Variants in SYNE2 observed in about 807,000 individuals in gnomAD.
SYNE2 encodes the protein nesprin-2.
A neutral mutation model predicts 856.3 loss-of-function variants in SYNE2; 431 were observed. The ratio of observed to expected loss-of-function variants is 0.50; its 90% CI spans 0.47 to 0.55. SYNE2 has a LOEUF of 0.55. Ranked by LOEUF, SYNE2 falls within the 20% of genes least tolerant of loss-of-function variation. SYNE2 has a pLI of 0.00. For missense variants in SYNE2, 8,129 were observed against 8,023.2 expected (o/e 1.01, Z -0.50); for synonymous variants, 2,923 against 2,872.3 (o/e 1.02, Z -0.56).
chr14:63,974,389 G>A (rs376482954), intron 11 of SYNE2, among the ~76,000 whole-genome samples: 21 of 152,116 alleles, frequency 1.4e-4, no homozygotes, highest in Admixed American at 5.2e-4. Flanking sequence ...GAGAGGAAGC[G>A]AGAGCGAGAG....
Position 63,941,749 on chromosome 14 carries a change from G to T in SYNE2, c.196G>T (p.Val66Phe), listed in dbSNP as rs776886410. 6.2e-7 allele frequency: 1 copy of T among 1,614,094 alleles called. No individual in the cohort carries two copies. The highest frequency in any genetic ancestry group is 2.2e-5 in the East Asian group (1 of 44,868). Residue 66 changes from valine to phenylalanine, a missense_variant, in exon 4 of 116, where the codon GTC (valine) becomes TTC (phenylalanine). Val to Phe is a conservative substitution (Grantham distance 50). Transcript: ENST00000555002. Reference protein sequence around the residue: ...DLFTDIKKGHVLLDLLEVLSG... With the variant: ...DLFTDIKKGHFLLDLLEVLSG... ...ATTCACAGACATTAAAAAGGGGCAT[G>T]TCCTCCTGGATCTGCTAGAAGTACT...
In SYNE2 at chr14:64,142,087, A is replaced by C. The variant is rs1468246635; in HGVS notation, c.15305A>C (p.Lys5102Thr). Reference sequence around the variant, plus strand: ...GTTAAACATCTTCTTCAGAAGCACAAGGTAATTATGCAAAAGGAGCAGAAG... The same window carrying C: ...GTTAAACATCTTCTTCAGAAGCACACGGTAATTATGCAAAAGGAGCAGAAG... The part of the protein sequence containing the change: ...SQVKHLLQKH[K>T]EFRMEMDYKQ... Residue 5102 changes from lysine (K) to threonine (T), a missense_variant and splice_region_variant, in exon 82 of 116, where the codon AAG becomes ACG. Coordinates refer to ENST00000555002, the MANE Select transcript of SYNE2 (RefSeq NM_182914.3). The C allele has an allele frequency of 1.9e-6, 3 of 1,614,022 alleles. No individual in the cohort carries two copies. The African/African-American group carries it at 4.0e-5, about 22-fold the overall frequency.
chr14:63,940,030 C>T (rs2095885877), intron 2 of SYNE2, among the ~76,000 whole-genome samples: 1 of 146,556 alleles, frequency 6.8e-6, no homozygotes, highest in Non-Finnish European at 1.5e-5. Context: ...GCTCACAGTT[C>T]TTTGTACAGT....
chr14:64,048,304 G>A (rs2097200303), intron 46 of SYNE2, 149 bp downstream of exon 46: 6 of 642,272 alleles, frequency 9.3e-6, no homozygotes, highest in African/African-American at 7.3e-5. Context: ...GTATAATTAT[G>A]TACTAAGTAA....
At chr14:64,178,227 T>A (rs1015440594) in intron 96 of SYNE2, among the ~76,000 whole-genome samples, 1 of 152,226 alleles carries the variant, frequency 6.6e-6, no homozygotes. Flanking sequence ...TCCCTACATC[T>A]TTTTTCTTTG....
At chr14:64,039,356 A>T (rs1379503131) in intron 45 of SYNE2, among the ~76,000 whole-genome samples, 2 of 152,196 alleles carry the variant, frequency 1.3e-5, no homozygotes, top group African/African-American at 4.8e-5. Context: ...CTGTGCTAAC[A>T]TGTTGGCCAA....
At position 63,982,808 on chromosome 14, in the gene SYNE2, A is replaced by C; in HGVS notation, c.2001+14A>C. 1 of 1,613,018 alleles carries C rather than the reference A, an allele frequency of 6.2e-7. No individual in the cohort carries two copies. The highest frequency in any genetic ancestry group is 1.1e-5 in the South Asian group (1 of 91,026). ...AAAACTCAACTTGTAAGTTCTTTTG[A>C]TTGGTTGCAGCTTTATTTAGATATG... is the stretch of plus-strand genomic sequence containing the variant. On this transcript the variant is annotated intron_variant, in intron 17 of 115. Coordinates refer to ENST00000555002, the MANE Select transcript of SYNE2 (RefSeq NM_182914.3).
chr14:63,814,389 A>G (rs981851292), intron 1 of SYNE2, among the ~76,000 whole-genome samples: 5 of 147,598 alleles, frequency 3.4e-5, no homozygotes, highest in Admixed American at 6.9e-5. Flanking sequence ...TATATTATAT[A>G]TATATCCATA....
chr14:64,074,146 G>A lies in SYNE2; in HGVS notation c.10866+10G>A, dbSNP rs1480313922. 9 of 1,613,440 alleles carry A rather than the reference G, an allele frequency of 5.6e-6. No individual in the cohort carries two copies. Among genetic ancestry groups the A allele is most frequent in the Non-Finnish European group, 7.6e-6 (9 of 1,179,364 alleles). ...GTCAGAACAATTTGAGGTAAGTGAG[G>A]AATGAATTAGTGAATGTGGCAGGTA... On this transcript the variant is annotated intron_variant, in intron 53 of 115. Coordinates refer to ENST00000555002, the MANE Select transcript of SYNE2 (RefSeq NM_182914.3).
chr14:64,087,642 T>G, intron 57 of SYNE2, 29 bp from the exon 58 acceptor site: 7 of 1,609,600 alleles, frequency 4.3e-6, no homozygotes, highest in Non-Finnish European at 6.0e-6. Context: ...GATGTTTCTC[T>G]CTATTTTTCC....
chr14:63,850,211 A>G (rs1349651031), upstream of SYNE2, among the ~76,000 whole-genome samples: 3 of 143,598 alleles, frequency 2.1e-5, no homozygotes, highest in Non-Finnish European at 4.5e-5. Context: ...CCTCCCAAGT[A>G]GCTAGGATTA....
At chr14:64,154,608 C>T (rs2098270893) in intron 85 of SYNE2, among the ~76,000 whole-genome samples, 1 of 151,970 alleles carries the variant, frequency 6.6e-6, no homozygotes, top group South Asian at 2.1e-4. Flanking sequence ...GCCTGGCCAA[C>T]ATGGCAAAAC....
intron 1 of SYNE2, among the ~76,000 whole-genome samples, chr14:63,869,636 CAAAAAAAAAA>C (rs35258750): frequency 1.3e-5 from 1 of 77,422 alleles, no homozygotes; most frequent in South Asian, 5.9e-4. Flanking sequence ...AACTTTGTCT[CAAAAAAAAAA>C]AAAAAAAAAA....
chr14:63,850,425 G>A (rs1385282184), upstream of SYNE2, among the ~76,000 whole-genome samples: 2 of 151,772 alleles, frequency 1.3e-5, no homozygotes, highest in African/African-American at 2.4e-5. Context: ...TTTGTATTTC[G>A]GTACATGGAA....
chr14:64,073,174 C>T (rs2097426177), intron 52 of SYNE2, among the ~76,000 whole-genome samples: 2 of 152,274 alleles, frequency 1.3e-5, no homozygotes, highest in Non-Finnish European at 2.9e-5. Flanking sequence ...TCCCCTCCCC[C>T]AGAGGTTGGG....
chr14:64,120,592 C>T (rs1287104821), intron 67 of SYNE2, among the ~76,000 whole-genome samples: 2 of 151,734 alleles, frequency 1.3e-5, no homozygotes, highest in Middle Eastern at 3.2e-3. Context: ...GGTGAAACCC[C>T]GTCTCCACTA....
At chr14:64,103,351 A>G (rs1406087523) in intron 64 of SYNE2, among the ~76,000 whole-genome samples, 1 of 139,786 alleles carries the variant, frequency 7.2e-6, no homozygotes, top group Non-Finnish European at 1.5e-5. Flanking sequence ...TCTCTCCATA[A>G]TCTTTTTTTT....
At chr14:64,004,826 G>C (rs566684184) in intron 30 of SYNE2, among the ~76,000 whole-genome samples, 6 of 152,232 alleles carry the variant, frequency 3.9e-5, no homozygotes, top group Admixed American at 6.5e-5. Flanking sequence ...CACGGCATGC[G>C]ATTGCACCAC....
chr14:63,827,909 G>C (rs953913740), intron 1 of SYNE2, among the ~76,000 whole-genome samples: 1 of 151,416 alleles, frequency 6.6e-6, no homozygotes, highest in African/African-American at 2.4e-5. Flanking sequence ...GAAAATATTT[G>C]GGGCTGGGCA....
Sources: allele counts gnomAD v4.1 joint callset (sites outside exome capture counted in the v4.1 genomes callset), GRCh38; gene constraint gnomAD v4.1.1; transcripts MANE v1.5; gene names NCBI Gene and HGNC (gene_info 2026-07-23, HGNC 2026-07-21).